Variants in CNBD1 observed in about 807,000 individuals in gnomAD.
CNBD1 encodes cyclic nucleotide-binding domain-containing protein 1.
A neutral mutation model predicts 54.4 loss-of-function variants in CNBD1; 71 were observed. The ratio of observed to expected loss-of-function variants is 1.30; its 90% CI spans 1.08 to 1.59. The LOEUF (loss-of-function observed/expected upper bound fraction) is 1.59, where lower values mean the gene tolerates loss of function less well. Ranked by LOEUF, CNBD1 falls within the 40% of genes most tolerant of loss-of-function variation. The pLI, the probability that CNBD1 is intolerant of heterozygous loss-of-function variation, is 0.00. For synonymous variants in CNBD1, 182 were observed against 170.7 expected, an observed-to-expected ratio of 1.07 and a Z score of -0.51; for missense variants, 659 against 518.0, an observed-to-expected ratio of 1.27 and a Z score of -2.64.
chr8:86,961,574 G>T (rs760127423), intron 4 of CNBD1, among the ~76,000 whole-genome samples: 1 of 152,220 alleles, frequency 6.6e-6, no homozygotes, highest in Admixed American at 6.5e-5. Context: ...AGGGCATCCC[G>T]TTTGGAGAGG....
intron 4 of CNBD1, among the ~76,000 whole-genome samples, chr8:87,123,789 G>A (rs970054613): frequency 4.6e-5 from 7 of 151,432 alleles, no homozygotes; most frequent in African/African-American, 1.7e-4. Context: ...GAAGAAAGAT[G>A]ACTCAACTAA....
At position 86,866,427 on chromosome 8, in the gene CNBD1, T is replaced by G; in HGVS notation, c.-69T>G. 2 of 1,108,144 alleles carry G rather than the reference T, an allele frequency of 1.8e-6. No homozygotes were observed. Among genetic ancestry groups the G allele is most frequent in the Non-Finnish European group, 2.7e-6 (2 of 742,046 alleles). The allele number at this position is 1,108,144 out of a possible 1,614,324, so 68.6% of individuals were successfully genotyped here. On this transcript the variant is annotated 5_prime_UTR_variant, in exon 1 of 11. Transcript: ENST00000518476. Reference sequence around the variant, plus strand: ...ACCTTGAAGTTCTGCTTTATGAGCCTGCAGGCAAAGAGTGATCATTTGCCT... The same window carrying G: ...ACCTTGAAGTTCTGCTTTATGAGCCGGCAGGCAAAGAGTGATCATTTGCCT...
chr8:87,042,809 A>G (rs1292886226), intron 4 of CNBD1, among the ~76,000 whole-genome samples: 1 of 152,080 alleles, frequency 6.6e-6, no homozygotes, highest in African/African-American at 2.4e-5. Context: ...GGTAGATTGT[A>G]TTATAAATAT....
chr8:86,903,026 T>C (rs1049653081), intron 2 of CNBD1, among the ~76,000 whole-genome samples: 1 of 152,066 alleles, frequency 6.6e-6, no homozygotes, highest in Non-Finnish European at 1.5e-5. Flanking sequence ...TTTTGGGACA[T>C]AGAATATAAA....
intron 4 of CNBD1, among the ~76,000 whole-genome samples, chr8:87,147,429 AT>A (rs568275998): frequency 3.7e-4 from 55 of 148,508 alleles, no homozygotes; most frequent in African/African-American, 1.1e-3. Flanking sequence ...TTAATACTTT[AT>A]TTTTTTTTTA....
chr8:86,925,460 AAT>A (rs957555274), intron 3 of CNBD1, among the ~76,000 whole-genome samples: 1 of 150,664 alleles, frequency 6.6e-6, no homozygotes, highest in Non-Finnish European at 1.5e-5. Flanking sequence ...TACCTAGTAA[AAT>A]ATATACGGGC....
At chr8:86,996,136 T>G (rs191343925) in intron 4 of CNBD1, among the ~76,000 whole-genome samples, 309 of 152,316 alleles carry the variant, frequency 2.0e-3, no homozygotes, top group Non-Finnish European at 3.5e-3. Flanking sequence ...TTATTTTATT[T>G]TTTTTAATAA....
intron 4 of CNBD1, among the ~76,000 whole-genome samples, chr8:87,057,252 C>A (rs1368266074): frequency 6.6e-6 from 1 of 152,098 alleles, no homozygotes; most frequent in East Asian, 1.9e-4. Context: ...AGGAAACTTA[C>A]AGTCATGGTG....
At chr8:87,294,496 C>A (rs1808840005) in intron 8 of CNBD1, among the ~76,000 whole-genome samples, 1 of 152,132 alleles carries the variant, frequency 6.6e-6, no homozygotes, top group Admixed American at 6.6e-5. Context: ...ACACACATTT[C>A]CTGGATTTCT....
At chr8:86,952,713 G>T (rs1807656495) in intron 4 of CNBD1, among the ~76,000 whole-genome samples, 1 of 151,912 alleles carries the variant, frequency 6.6e-6, no homozygotes, top group Admixed American at 6.6e-5. Context: ...ATGTATAAAG[G>T]TGTGATATAA....
At chr8:87,291,429 A>G (rs1162178860) in intron 8 of CNBD1, among the ~76,000 whole-genome samples, 1 of 152,150 alleles carries the variant, frequency 6.6e-6, no homozygotes, top group African/African-American at 2.4e-5. Flanking sequence ...GGGTCAAGAA[A>G]TATTTTCTGC....
rs1586050235 is a variant in CNBD1 at position 87,365,933 on chromosome 8, C to T, written c.1303+12147C>T. On this transcript the variant is annotated intron_variant, in intron 10 of 10. Coordinates refer to ENST00000518476, the MANE Select transcript of CNBD1 (RefSeq NM_173538.3). ...AAGTTCTTTTCCTGCTCTTTGAAAA[C>T]TCAATGTAATGATTTTACGATCACT... 2.0e-5 allele frequency among the ~76,000 whole-genome samples: 3 copies of T among 152,064 alleles called. No homozygotes were observed. The East Asian group carries it at 5.8e-4, about 30-fold the overall frequency.
chr8:87,090,719 A>C (rs1811187735), intron 4 of CNBD1, among the ~76,000 whole-genome samples: 1 of 152,160 alleles, frequency 6.6e-6, no homozygotes, highest in Admixed American at 6.6e-5. Context: ...TAATTTAAAC[A>C]ATTAGATTGA....
chr8:87,111,295 A>G (rs2130704386), intron 4 of CNBD1, among the ~76,000 whole-genome samples: 1 of 152,336 alleles, frequency 6.6e-6, no homozygotes, highest in Admixed American at 6.5e-5. Context: ...AAGTAGGCCC[A>G]TGTACCCAGC....
At chr8:87,313,507 A>C (rs1809313647) in intron 8 of CNBD1, among the ~76,000 whole-genome samples, 1 of 152,036 alleles carries the variant, frequency 6.6e-6, no homozygotes, top group Non-Finnish European at 1.5e-5. Flanking sequence ...TAACTTGAAC[A>C]AATTCTTCAA....
chr8:87,237,203 T>C, intron 6 of CNBD1, 91 bp downstream of exon 6: 2 of 647,304 alleles, frequency 3.1e-6, no homozygotes, highest in Non-Finnish European at 5.2e-6. Context: ...ATCCAATATC[T>C]TTAGAGTCCT....
At chr8:87,222,401 G>A (rs778924940) in intron 5 of CNBD1, among the ~76,000 whole-genome samples, 17 of 152,156 alleles carry the variant, frequency 1.1e-4, no homozygotes, top group Non-Finnish European at 1.2e-4. Context: ...AGAGGTTACA[G>A]TCTACTGGCA....
At chr8:87,232,071 C>A (rs543503088) in intron 5 of CNBD1, among the ~76,000 whole-genome samples, 1 of 152,220 alleles carries the variant, frequency 6.6e-6, no homozygotes, top group East Asian at 1.9e-4. Flanking sequence ...CAACATAATG[C>A]TTCTGAGATT....
At chr8:87,326,970 A>T (rs1326508640) in intron 8 of CNBD1, among the ~76,000 whole-genome samples, 3 of 137,990 alleles carry the variant, frequency 2.2e-5, no homozygotes, top group Non-Finnish European at 4.7e-5. Context: ...GGTGATGTAC[A>T]GATGGGTTTT....
Sources: allele counts gnomAD v4.1 joint callset (sites outside exome capture counted in the v4.1 genomes callset), GRCh38; gene constraint gnomAD v4.1.1; transcripts MANE v1.5; gene names NCBI Gene and HGNC (gene_info 2026-07-23, HGNC 2026-07-21).